The following ATL2 variants were observed in gnomAD, a reference collection of about 807,000 sequenced individuals.
The protein encoded by ATL2 is atlastin GTPase 2.
Under a neutral mutation model 73.9 loss-of-function variants are expected in ATL2, and 31 were observed. The ratio of observed to expected loss-of-function variants is 0.42; its 90% CI spans 0.32 to 0.57. ATL2 has a LOEUF of 0.57. ATL2 is among the 20% of genes least tolerant of loss of function. The probability of loss-of-function intolerance (pLI) is 0.14; values close to 1 mark genes in which losing one functional copy is unlikely to be tolerated. For synonymous variants in ATL2, 291 were observed against 237.5 expected, an observed-to-expected ratio of 1.23 and a Z score of -2.07; for missense variants, 738 against 702.6, an observed-to-expected ratio of 1.05 and a Z score of -0.57.
chr2:38,364,098 C>T (rs1671165335), intron 1 of ATL2, among the ~76,000 whole-genome samples: 1 of 152,012 alleles, frequency 6.6e-6, no homozygotes, highest in Non-Finnish European at 1.5e-5. Flanking sequence ...CCTGTCTCTA[C>T]TAAAAATACA....
At chr2:38,322,866 G>C (rs976043797) in intron 2 of ATL2, among the ~76,000 whole-genome samples, 4 of 152,142 alleles carry the variant, frequency 2.6e-5, no homozygotes. Flanking sequence ...ATGACAGAGT[G>C]AGAGACCCTG....
In ATL2 at chr2:38,318,875, A is replaced by T. The variant is rs1301705220; in HGVS notation, c.498+10T>A. On this transcript the variant is annotated intron_variant, in intron 3 of 12. Coordinates refer to ENST00000378954, the MANE Select transcript of ATL2 (RefSeq NM_001135673.4). ...GAATACAGGGTAGAAAAGTATAAACAGAATTTTACTTTAGTTCCATTAGGT... is the reference window on the plus strand; with the variant it reads ...GAATACAGGGTAGAAAAGTATAAACTGAATTTTACTTTAGTTCCATTAGGT... 2 of 1,609,388 alleles carry T rather than the reference A, an allele frequency of 1.2e-6. No individual in the cohort carries two copies. Among genetic ancestry groups the T allele is most frequent in the Admixed American group, 1.7e-5 (1 of 59,008 alleles).
rs774375962 is a variant in ATL2, at chr2:38,377,248, C to T, written c.13G>A (p.Asp5Asn). Residue 5 changes from aspartate (D) to asparagine (N), a missense_variant, in exon 1 of 13, where the codon GAC (aspartate) becomes AAC (asparagine). Transcript: ENST00000378954. ...GGTTGCTGCCCTCGCGCTGCCTCGT[C>T]CCCCTCCGCCATCTTGTACCGATTT... MAEG[D>N]EAARGQQPHQ... The T allele has an allele frequency of 3.1e-6, 5 of 1,589,486 alleles. No homozygotes were observed. The South Asian group carries it at 3.4e-5, about 11-fold the overall frequency.
At chr2:38,314,799 A>G in intron 5 of ATL2, 135 bp from the exon 6 acceptor site, 3 of 585,476 alleles carry the variant, frequency 5.1e-6, no homozygotes, top group Non-Finnish European at 8.9e-6. Flanking sequence ...ATTTTCTAAC[A>G]CACTAGGTAT....
intron 2 of ATL2, among the ~76,000 whole-genome samples, chr2:38,338,540 G>GCATA (rs140851904): frequency 1.3e-5 from 2 of 151,436 alleles, no homozygotes; most frequent in Non-Finnish European, 2.9e-5. Context: ...AGGATGGAAT[G>GCATA]AATAAATAAA....
intron 1 of ATL2, among the ~76,000 whole-genome samples, chr2:38,353,812 T>C (rs1481872800): frequency 2.0e-5 from 3 of 152,210 alleles, no homozygotes; most frequent in Non-Finnish European, 2.9e-5. Context: ...TTGATAGCTT[T>C]AGAGTGTTTT....
chr2:38,366,389 T>C (rs1671332402), intron 1 of ATL2, among the ~76,000 whole-genome samples: 1 of 152,222 alleles, frequency 6.6e-6, no homozygotes, highest in African/African-American at 2.4e-5. Context: ...TCTAATACCA[T>C]TTGGTCTTTC....
intron 1 of ATL2, among the ~76,000 whole-genome samples, chr2:38,373,981 T>G (rs1671827093): frequency 6.6e-6 from 1 of 152,154 alleles, no homozygotes; most frequent in South Asian, 2.1e-4. Flanking sequence ...AACCTCCACC[T>G]CCCAGGTTCA....
chr2:38,305,114 G>C (rs1438785799), intron 9 of ATL2, among the ~76,000 whole-genome samples: 2 of 152,098 alleles, frequency 1.3e-5, no homozygotes, highest in African/African-American at 4.8e-5. Flanking sequence ...ATTTATATCA[G>C]CCAAAGAAGG....
chr2:38,355,893 C>A (rs938092514), intron 1 of ATL2, among the ~76,000 whole-genome samples: 5 of 151,614 alleles, frequency 3.3e-5, no homozygotes, highest in Admixed American at 3.3e-4. Flanking sequence ...ACAGGTTTCA[C>A]CATTTTGGCC....
At chr2:38,341,072 G>A (rs1015341153) in intron 2 of ATL2, among the ~76,000 whole-genome samples, 13 of 152,136 alleles carry the variant, frequency 8.5e-5, no homozygotes, top group African/African-American at 3.1e-4. Flanking sequence ...GGCACCTGAG[G>A]TGAAACTTAT....
At chr2:38,331,787 T>C (rs148891325) in intron 2 of ATL2, among the ~76,000 whole-genome samples, 11 of 151,972 alleles carry the variant, frequency 7.2e-5, no homozygotes, top group East Asian at 3.9e-4. Flanking sequence ...AATAGATACA[T>C]AACCAAAAAA....
At chr2:38,321,980 A>G (rs756940137) in intron 2 of ATL2, among the ~76,000 whole-genome samples, 27 of 152,196 alleles carry the variant, frequency 1.8e-4, no homozygotes, top group Non-Finnish European at 3.5e-4. Context: ...GATACTCCCC[A>G]TAGATCTCAA....
rs372729411 is a variant in ATL2 at position 38,334,560 on chromosome 2, T to G, written c.363+8708A>C. ...CTAAAAATACAAAATTAGCCGGGCG[T>G]AGTGGTGCATGCCTGTAATCTCAGC... On this transcript the variant is annotated intron_variant, in intron 2 of 12. Transcript: ENST00000378954. 4.3e-4 allele frequency among the ~76,000 whole-genome samples: 65 copies of G among 151,110 alleles called. 3 individuals carry two copies. The South Asian group carries it at 7.5e-3, about 18-fold the overall frequency.
intron 1 of ATL2, among the ~76,000 whole-genome samples, chr2:38,367,857 T>A (rs1191378041): frequency 6.6e-6 from 1 of 151,714 alleles, no homozygotes; most frequent in Non-Finnish European, 1.5e-5. Context: ...GGTCTCGAAC[T>A]TCTGACCTCA....
At chr2:38,315,214 G>T (rs748043998) in intron 5 of ATL2, 70 bp downstream of exon 5, 25 of 1,347,166 alleles carry the variant, frequency 1.9e-5, no homozygotes, top group Non-Finnish European at 2.3e-5. Context: ...TTGTGCCACC[G>T]TACTCTAGTC....
intron 9 of ATL2, among the ~76,000 whole-genome samples, chr2:38,305,384 C>T (rs577668749): frequency 1.3e-5 from 2 of 152,188 alleles, no homozygotes; most frequent in South Asian, 4.1e-4. Flanking sequence ...CCCATCTCTA[C>T]TAAAAATACA....
At position 38,298,147 on chromosome 2, in the gene ATL2, T is replaced by C. The variant is rs753839540; in HGVS notation, c.1629A>G (p.Glu543=). The C allele has an allele frequency of 1.2e-6, 2 of 1,610,232 alleles. No homozygotes were observed. The highest frequency in any genetic ancestry group is 1.7e-6 in the Non-Finnish European group (2 of 1,177,904). The change falls in exon 12 of 13, where the codon GAA becomes GAG. Residue 543 remains glutamate (E), a synonymous_variant. Coordinates refer to ENST00000378954, the MANE Select transcript of ATL2 (RefSeq NM_001135673.4). ...AAACCAAAAGATAGATACCAACCTG[T>C]TCCCATAGTGTTTCAGCAATCTGAT... ...VIDQIAETLW[E]QVLKPLGDNL...
intron 4 of ATL2, among the ~76,000 whole-genome samples, chr2:38,316,191 G>T (rs17022566): frequency 6.6e-6 from 1 of 152,192 alleles, no homozygotes; most frequent in African/African-American, 2.4e-5. Flanking sequence ...ACCACTTGGA[G>T]GTCAAGAATA....
Sources: gnomAD v4.1 joint callset for allele counts (sites outside exome capture counted in the v4.1 genomes callset) on GRCh38, gnomAD v4.1.1 for gene constraint, MANE v1.5 for transcripts, NCBI Gene and HGNC (gene_info 2026-07-23, HGNC 2026-07-21) for gene names.